The following ARID4B variants were observed in gnomAD, a reference collection of about 807,000 sequenced individuals.
ARID4B encodes AT-rich interaction domain 4B.
ARID4B carries 26 observed loss-of-function variants against 147.5 expected under a neutral mutation model. The observed-to-expected ratio is 0.18, with a 90% CI of 0.13 to 0.24. The LOEUF is 0.24. ARID4B is among the 10% of genes least tolerant of loss of function. The pLI is 1.00. For missense variants in ARID4B, 1,179 were observed against 1,511.5 expected, an observed-to-expected ratio of 0.78 and a Z score of 3.65; for synonymous variants, 512 against 507.9, an observed-to-expected ratio of 1.01 and a Z score of -0.11.
At chr1:235,260,050 C>T (rs1670203699) in intron 3 of ARID4B, among the ~76,000 whole-genome samples, 1 of 152,062 alleles carries the variant, frequency 6.6e-6, no homozygotes, top group Admixed American at 6.6e-5. Flanking sequence ...TTTTTCAGTG[C>T]TGATAATTTA....
chr1:235,263,854 C>T (rs771883232), intron 2 of ARID4B, among the ~76,000 whole-genome samples: 5 of 151,700 alleles, frequency 3.3e-5, no homozygotes, highest in Non-Finnish European at 5.9e-5. Context: ...AATAGCTGGG[C>T]GTGGTGGCGC....
At chr1:235,236,492 TTGTGTGTGTGTGTGTG>T (rs111585112) in intron 8 of ARID4B, among the ~76,000 whole-genome samples, 25 of 147,096 alleles carry the variant, frequency 1.7e-4, no homozygotes, top group Admixed American at 4.8e-4. Context: ...TACAAAACAG[TTGTGTGTGTGTGTGTG>T]TGTGTGTGTG....
chr1:235,179,551 A>AAAAC (rs1664142853), intron 20 of ARID4B, among the ~76,000 whole-genome samples: 1 of 149,944 alleles, frequency 6.7e-6, no homozygotes, highest in African/African-American at 2.4e-5. Context: ...AAAAAAAAAA[A>AAAAC]AACCCAACAA....
intron 2 of ARID4B, among the ~76,000 whole-genome samples, chr1:235,308,569 T>TGAG (rs1673753859): frequency 1.3e-5 from 2 of 151,228 alleles, no homozygotes; most frequent in Non-Finnish European, 2.9e-5. Flanking sequence ...CACTGCAACC[T>TGAG]CCCTGCCTGA....
intron 2 of ARID4B, among the ~76,000 whole-genome samples, chr1:235,273,870 C>T (rs1225377619): frequency 6.6e-6 from 1 of 152,210 alleles, no homozygotes; most frequent in African/African-American, 2.4e-5. Context: ...TAAACTAGTA[C>T]AAAACCTTTG....
chr1:235,181,297 A>G, intron 20 of ARID4B: 1 of 568,804 alleles, frequency 1.8e-6, no homozygotes, highest in Non-Finnish European at 2.7e-6. Flanking sequence ...GCATATAATG[A>G]ATTCTCAAAC....
At chr1:235,246,620 C>T (rs1303168150) in intron 6 of ARID4B, 109 bp from the exon 7 acceptor site, 31 of 722,288 alleles carry the variant, frequency 4.3e-5, no homozygotes, top group Non-Finnish European at 6.4e-5. Context: ...ATTAAACTCT[C>T]CCCCCAGGGA....
chr1:235,323,920 T>TGA (rs201664541), intron 2 of ARID4B, among the ~76,000 whole-genome samples: 2 of 151,350 alleles, frequency 1.3e-5, no homozygotes, highest in South Asian at 2.1e-4. Context: ...TTTTTTTTTT[T>TGA]GAGAGAGAGA....
chr1:235,255,269 A>ATCTATCTATC (rs1553304391), intron 5 of ARID4B, among the ~76,000 whole-genome samples: 5 of 131,616 alleles, frequency 3.8e-5, no homozygotes, highest in African/African-American at 1.4e-4. Flanking sequence ...ATAGATATAT[A>ATCTATCTATC]TCTCTCTCTC....
At position 235,194,145 on chromosome 1, in the gene ARID4B, A is replaced by C; in HGVS notation, c.1993T>G (p.Leu665Val). 2 of 1,613,402 alleles carry C rather than the reference A, an allele frequency of 1.2e-6. No individual in the cohort carries two copies. The highest frequency in any genetic ancestry group is 4.5e-5 in the East Asian group (2 of 44,866). Residue 665 changes from leucine (L) to valine (V), a missense_variant, in exon 19 of 24, where the codon TTG becomes GTG. Coordinates refer to ENST00000264183, the MANE Select transcript of ARID4B (RefSeq NM_016374.6). ...TTTGTCTGAAATGGTGGTTTGGACAAGCGCCGAAGTTTACAGTTTTTTGGA... is the reference window on the plus strand; with the variant it reads ...TTTGTCTGAAATGGTGGTTTGGACACGCGCCGAAGTTTACAGTTTTTTGGA... Reference protein sequence around the residue: ...YSPKNCKLRRLSKPPFQTNPS... With the variant: ...YSPKNCKLRRVSKPPFQTNPS...
intron 14 of ARID4B, among the ~76,000 whole-genome samples, chr1:235,221,258 G>C (rs1308251431): frequency 6.6e-6 from 1 of 152,118 alleles, no homozygotes; most frequent in African/African-American, 2.4e-5. Flanking sequence ...CTGGCCCTAG[G>C]GCATAAACAG....
rs182442474 is a variant in ARID4B, at chr1:235,268,802, T to C, written c.7-8050A>G. ...CTTGATTTCTAAATAACTCTCTCCA[T>C]TATAAGGAATTAGGATCCTTAGAAA... On this transcript the variant is annotated intron_variant, in intron 2 of 23. Transcript: ENST00000264183. Among the ~76,000 whole-genome samples, 316 of 152,236 alleles carry C rather than the reference T, an allele frequency of 2.1e-3. 2 individuals carry two copies. The highest frequency in any genetic ancestry group is 5.6e-3 in the East Asian group (29 of 5,182).
At position 235,308,467 on chromosome 1, in the gene ARID4B, A is replaced by C. The variant is rs568221649; in HGVS notation, c.6+18447T>G. 1.3e-3 allele frequency among the ~76,000 whole-genome samples: 95 copies of C among 72,344 alleles called. No homozygotes were observed. In the East Asian group the frequency reaches 0.015, roughly 11 times the overall value. 47.5% of individuals were successfully genotyped at this position (72,344 alleles called of 152,430 possible). A position where few individuals can be genotyped will look rare whatever the true frequency, so the allele number is the denominator to read the frequency against. On this transcript the variant is annotated intron_variant, in intron 2 of 23. Transcript: ENST00000264183. ...CCTCCCCCTCCCCCTCCCTCTCCCT[A>C]TCCCTCTCCCCACGGTCTCCCTCTC...
At chr1:235,274,648 A>C (rs1299240240) in intron 2 of ARID4B, among the ~76,000 whole-genome samples, 3 of 152,206 alleles carry the variant, frequency 2.0e-5, no homozygotes, top group Non-Finnish European at 4.4e-5. Flanking sequence ...GAGAACTTGC[A>C]AACTAGGCCA....
intron 23 of ARID4B, among the ~76,000 whole-genome samples, chr1:235,170,013 G>C (rs928764294): frequency 1.3e-5 from 2 of 152,068 alleles, no homozygotes; most frequent in African/African-American, 4.8e-5. Context: ...TACATGCACA[G>C]ATTTAAAAAA....
intron 2 of ARID4B, among the ~76,000 whole-genome samples, chr1:235,282,829 G>A (rs985731652): frequency 2.6e-5 from 4 of 152,130 alleles, no homozygotes; most frequent in African/African-American, 9.7e-5. Flanking sequence ...CACCCAGGCT[G>A]GAGTGCAGTG....
In ARID4B at chr1:235,213,819, G is replaced by A. The variant is rs749288523; in HGVS notation, c.1791C>T (p.Val597=). The A allele has an allele frequency of 4.3e-6, 7 of 1,613,704 alleles. No homozygotes were observed. The highest frequency in any genetic ancestry group is 4.0e-5 in the African/African-American group (3 of 74,844). ...CCAAGTAAAGGACCTCTCCACCTTCGACATCAGAATCTTTAATACTAGCTT... is the reference window on the plus strand; with the variant it reads ...CCAAGTAAAGGACCTCTCCACCTTCAACATCAGAATCTTTAATACTAGCTT... ...MYEASIKDSD[V]EGGEVLYLVH... is the part of the protein sequence containing the mutation. Residue 597 remains valine, a synonymous_variant, in exon 17 of 24, where the codon GTC becomes GTT. Transcript: ENST00000264183.
rs749104646 is a variant in ARID4B, at chr1:235,224,726, A to C, written c.947T>G (p.Leu316Trp). ...PEERENFLQQ[L>W]YKFMEDRGTP... The stretch of plus-strand genomic sequence containing the variant: ...ACCTCTATCTTCCATAAATTTGTAC[A>C]ATTGCTGAAGAAAGTTCTCCCTTTC... Residue 316 changes from leucine (L) to tryptophan (W), a missense_variant, in exon 12 of 24, where the codon TTG (leucine) becomes TGG (tryptophan). Transcript: ENST00000264183. 6.3e-6 allele frequency: 10 copies of C among 1,599,856 alleles called. No individual in the cohort carries two copies. The South Asian group carries it at 6.7e-5, about 11-fold the overall frequency.
chr1:235,209,556 GTTTT>G (rs547505296), intron 17 of ARID4B, among the ~76,000 whole-genome samples: 2 of 147,036 alleles, frequency 1.4e-5, no homozygotes, highest in Non-Finnish European at 3.0e-5. Flanking sequence ...TGATTTTTTT[GTTTT>G]TTGTTTTGTT....
Sources: gnomAD v4.1 joint callset for allele counts (sites outside exome capture counted in the v4.1 genomes callset) on GRCh38, gnomAD v4.1.1 for gene constraint, MANE v1.5 for transcripts, NCBI Gene and HGNC (gene_info 2026-07-23, HGNC 2026-07-21) for gene names.